Variants in ERBB4 observed in about 807,000 individuals in gnomAD.
ERBB4 encodes erb-b2 receptor tyrosine kinase 4.
Under a neutral mutation model 158.0 loss-of-function variants are expected in ERBB4, and 42 were observed. The ratio of observed to expected loss-of-function variants is 0.27; its 90% CI spans 0.21 to 0.34. ERBB4 has a LOEUF of 0.34. ERBB4 is among the 10% of genes least tolerant of loss of function. The pLI, the probability that ERBB4 is intolerant of heterozygous loss-of-function variation, is 1.00. For missense variants in ERBB4, 1,333 were observed against 1,624.1 expected (o/e 0.82, Z 3.08); for synonymous variants, 583 against 558.7 (o/e 1.04, Z -0.61).
intron 12 of ERBB4, among the ~76,000 whole-genome samples, chr2:211,696,557 C>G (rs1323945270): frequency 6.6e-6 from 1 of 152,156 alleles, no homozygotes; most frequent in Non-Finnish European, 1.5e-5. Context: ...GATTAAAACC[C>G]AGGCCATTTG....
At chr2:211,512,551 T>C (rs1240577218) in intron 20 of ERBB4, among the ~76,000 whole-genome samples, 1 of 151,814 alleles carries the variant, frequency 6.6e-6, no homozygotes. Flanking sequence ...CACAATGAAA[T>C]TAAAAAAAAA....
intron 1 of ERBB4, among the ~76,000 whole-genome samples, chr2:212,434,064 A>G (rs978349213): frequency 2.0e-5 from 3 of 152,002 alleles, no homozygotes; most frequent in South Asian, 2.1e-4. Flanking sequence ...CAGTTCCTGT[A>G]CATGCTTTTA....
At chr2:212,210,206 G>A (rs539943508) in intron 1 of ERBB4, among the ~76,000 whole-genome samples, 2 of 75,126 alleles carry the variant, frequency 2.7e-5, no homozygotes, top group East Asian at 3.1e-4. Context: ...GAGCAGCAAT[G>A]CTAGTGCAAA....
At chr2:211,945,920 C>T (rs1037493512) in intron 3 of ERBB4, among the ~76,000 whole-genome samples, 2 of 151,912 alleles carry the variant, frequency 1.3e-5, no homozygotes, top group Non-Finnish European at 2.9e-5. Context: ...AGAGGGAAAT[C>T]ATGATGAAAA....
At chr2:212,314,643 A>T (rs72947353) in intron 1 of ERBB4, among the ~76,000 whole-genome samples, 1 of 151,288 alleles carries the variant, frequency 6.6e-6, no homozygotes, top group Non-Finnish European at 1.5e-5. Flanking sequence ...ATTTAGAATT[A>T]AAAACTAATT....
intron 1 of ERBB4, among the ~76,000 whole-genome samples, chr2:212,146,318 T>C (rs2080671585): frequency 6.6e-6 from 1 of 152,218 alleles, no homozygotes; most frequent in African/African-American, 2.4e-5. Context: ...TTTTATTCTG[T>C]TCTCTGCCTT....
chr2:211,943,858 T>A (rs2125127693), intron 3 of ERBB4, among the ~76,000 whole-genome samples: 1 of 151,996 alleles, frequency 6.6e-6, no homozygotes, highest in African/African-American at 2.4e-5. Flanking sequence ...ATTAAGCTAG[T>A]TAGTAATAAT....
intron 1 of ERBB4, among the ~76,000 whole-genome samples, chr2:212,170,436 G>A (rs2081481526): frequency 1.3e-5 from 2 of 152,168 alleles, no homozygotes; most frequent in Admixed American, 1.3e-4. Flanking sequence ...ATTTTCTGGG[G>A]AGAAAGTCAA....
chr2:211,738,366 T>TG (rs1559473787), intron 5 of ERBB4, among the ~76,000 whole-genome samples: 1 of 16,776 alleles, frequency 6.0e-5, no homozygotes, highest in East Asian at 5.3e-4. Context: ...TTTTTGTTTT[T>TG]TTTTTTTTTT....
At chr2:211,401,047 T>C (rs1206834351) in intron 25 of ERBB4, among the ~76,000 whole-genome samples, 2 of 152,070 alleles carry the variant, frequency 1.3e-5, no homozygotes, top group East Asian at 3.9e-4. Flanking sequence ...AAATGTCTAT[T>C]AATTAACACA....
intron 2 of ERBB4, among the ~76,000 whole-genome samples, chr2:212,014,889 C>G (rs554274209): frequency 6.6e-6 from 1 of 151,128 alleles, no homozygotes; most frequent in South Asian, 2.1e-4. Context: ...AACCTCTTTT[C>G]CTCTTTTAAG....
At chr2:212,233,957 G>T (rs2083754699) in intron 1 of ERBB4, among the ~76,000 whole-genome samples, 2 of 133,184 alleles carry the variant, frequency 1.5e-5, no homozygotes, top group Non-Finnish European at 3.1e-5. Context: ...ATGTCTCTTT[G>T]CATTATTTAT....
intron 3 of ERBB4, among the ~76,000 whole-genome samples, chr2:211,821,911 A>G (rs990324273): frequency 6.6e-6 from 1 of 152,020 alleles, no homozygotes; most frequent in Non-Finnish European, 1.5e-5. Flanking sequence ...ACTAGAAGAA[A>G]ACATAGGAAA....
At chr2:211,649,887 C>T (rs1336738568) in intron 16 of ERBB4, among the ~76,000 whole-genome samples, 2 of 151,830 alleles carry the variant, frequency 1.3e-5, no homozygotes, top group Non-Finnish European at 2.9e-5. Flanking sequence ...AGAAGGAAAT[C>T]ACTGTAATGG....
At chr2:211,721,628 T>C (rs2074097963) in intron 7 of ERBB4, among the ~76,000 whole-genome samples, 1 of 145,612 alleles carries the variant, frequency 6.9e-6, no homozygotes, top group Non-Finnish European at 1.5e-5. Flanking sequence ...AACATATATA[T>C]ATATATATAT....
chr2:211,611,479 C>T (rs956035171), intron 19 of ERBB4, among the ~76,000 whole-genome samples: 8 of 144,464 alleles, frequency 5.5e-5, no homozygotes, highest in African/African-American at 1.1e-4. Context: ...TCTTTAGGTC[C>T]GCACGTTGCT....
intron 1 of ERBB4, among the ~76,000 whole-genome samples, chr2:212,308,513 A>G (rs1243119689): frequency 6.6e-6 from 1 of 151,048 alleles, no homozygotes. Context: ...GAAGCTTTAA[A>G]AGACCAGAAT....
intron 25 of ERBB4, among the ~76,000 whole-genome samples, chr2:211,408,692 G>A (rs1215029356): frequency 1.3e-5 from 2 of 152,144 alleles, no homozygotes; most frequent in Non-Finnish European, 2.9e-5. Flanking sequence ...TTACTAGATA[G>A]GTCATTCTCT....
In ERBB4 at chr2:212,293,863, A is replaced by AAC. The variant is rs1553612469; in HGVS notation, c.83-168961_83-168960insGT. On this transcript the variant is annotated intron_variant, in intron 1 of 27. Transcript: ENST00000342788. ...ACTCTGTCTCAAAAAAAAAAACAAAAAAAAAAAAAACATACATTTGTAAGT... is the reference window on the plus strand; with the variant it reads ...ACTCTGTCTCAAAAAAAAAAACAAAAACAAAAAAAAAACATACATTTGTAAGT... Among the ~76,000 whole-genome samples the AAC allele has an allele frequency of 5.4e-5, 8 of 149,072 alleles. No individual in the cohort carries two copies. In the South Asian group the frequency reaches 6.4e-4, roughly 12 times the overall value.
Sources: gnomAD v4.1 joint callset for allele counts (sites outside exome capture counted in the v4.1 genomes callset) on GRCh38, gnomAD v4.1.1 for gene constraint, MANE v1.5 for transcripts, NCBI Gene and HGNC (gene_info 2026-07-23, HGNC 2026-07-21) for gene names.